The following EME1 variants were observed in gnomAD, a reference collection of about 807,000 sequenced individuals.
EME1 encodes structure-specific endonuclease subunit EME1.
In EME1, 61 loss-of-function variants were observed where a neutral mutation model predicts 59.1. The observed-to-expected ratio is 1.03, with a 90% CI of 0.84 to 1.28. The LOEUF is 1.28. Ranked by LOEUF, EME1 falls within the 50% of genes most tolerant of loss-of-function variation. EME1 has a pLI of 0.00. For synonymous variants in EME1, 230 were observed against 254.2 expected, an observed-to-expected ratio of 0.90 and a Z score of 0.90; for missense variants, 635 against 682.6, an observed-to-expected ratio of 0.93 and a Z score of 0.78.
At chr17:50,377,497 T>C (rs970744079) in intron 3 of EME1, among the ~76,000 whole-genome samples, 10 of 152,226 alleles carry the variant, frequency 6.6e-5, no homozygotes, top group African/African-American at 2.2e-4. Context: ...TGGAGGATTG[T>C]TGGCCTTGAG....
At chr17:50,380,057 T>C (rs938096774) in intron 7 of EME1, 2 of 425,340 alleles carry the variant, frequency 4.7e-6, no homozygotes, top group Admixed American at 3.9e-5. Flanking sequence ...AGATTGCAGA[T>C]TGCCAGATAT....
Position 50,378,652 on chromosome 17 carries a change from T to A in EME1, c.961T>A (p.Phe321Ile), listed in dbSNP as rs1442461973. The change falls in exon 4 of 9, where the codon TTT becomes ATT. Residue 321 changes from phenylalanine to isoleucine, a missense_variant. Phe to Ile is a conservative substitution (Grantham distance 21). Coordinates refer to ENST00000338165, the MANE Select transcript of EME1 (RefSeq NM_152463.4). ...ACTGGTGTTGCTCCGGGCAGAGGCA[T>A]TTGTGTCCATGATCGACAATGGAAA... ...TVLVLLRAEA[F>I]VSMIDNGKQG... 6.2e-7 allele frequency: 1 copy of A among 1,614,048 alleles called. No individual in the cohort carries two copies. The highest frequency in any genetic ancestry group is 1.1e-5 in the South Asian group (1 of 91,082).
Position 50,375,422 on chromosome 17 carries a change from GA to G in EME1, c.217del (p.Thr73LeufsTer11), listed in dbSNP as rs755863877. ...LFSPPVPEIA[E>X]TVTQTQPVRL... The stretch of plus-strand genomic sequence containing the variant: ...TTCACCACCTGTCCCAGAAATAGCT[GA>G]AACTGTCACACAAACACAGCCAGTC... On this transcript the variant is annotated frameshift_variant, in exon 2 of 9. Coordinates refer to ENST00000338165, the MANE Select transcript of EME1 (RefSeq NM_152463.4). LOFTEE classifies it high-confidence loss of function. 8.7e-6 allele frequency: 14 copies of G among 1,614,082 alleles called. No individual in the cohort carries two copies. The highest frequency in any genetic ancestry group is 1.3e-5 in the African/African-American group (1 of 74,926).
At chr17:50,376,839 C>T (rs544605256) in intron 3 of EME1, among the ~76,000 whole-genome samples, 88 of 152,302 alleles carry the variant, frequency 5.8e-4, no homozygotes, top group African/African-American at 1.9e-3. Flanking sequence ...GTCCTCTCCT[C>T]GGGTCCCTGC....
Position 50,380,476 on chromosome 17 carries a change from A to G in EME1, c.1511A>G (p.Tyr504Cys), listed in dbSNP as rs779028859. The change falls in exon 8 of 9, where the codon TAT becomes TGT. Residue 504 changes from tyrosine (Y) to cysteine (C), a missense_variant. Tyr to Cys is a radical substitution (Grantham distance 194). Transcript: ENST00000338165. ...ATGGCCAGTGCAGTTGTGAATGCCT[A>G]TCCCTCCCCACAGCTCCTGGTACAG... ...LEMASAVVNA[Y>C]PSPQLLVQAY... 17 of 1,613,770 alleles carry G rather than the reference A, an allele frequency of 1.1e-5. No homozygotes were observed. Among genetic ancestry groups the G allele is most frequent in the Non-Finnish European group, 1.2e-5 (14 of 1,180,014 alleles).
intron 3 of EME1, 38 bp downstream of exon 3, chr17:50,376,231 C>T (rs1167573450): frequency 6.2e-7 from 1 of 1,602,372 alleles, no homozygotes; most frequent in Non-Finnish European, 8.5e-7. Context: ...CCCTCTCCTC[C>T]CCTTACAATT....
chr17:50,376,123 G>C lies in EME1; in HGVS notation c.833G>C (p.Cys278Ser), dbSNP rs1271732716. 6.2e-7 allele frequency: 1 copy of C among 1,614,132 alleles called. No homozygotes were observed. Among genetic ancestry groups the C allele is most frequent in the Non-Finnish European group, 8.5e-7 (1 of 1,180,032 alleles). ...CTAGGAGCACTGCAGACCATGGAGT[G>C]CCGCTGTGTGATTGAGGCGCAGGCT... is the stretch of plus-strand genomic sequence containing the variant. ...QLLGALQTMECRCVIEAQAVP... is the reference protein window; with the variant it reads ...QLLGALQTMESRCVIEAQAVP... Residue 278 changes from cysteine to serine, a missense_variant, in exon 3 of 9, where the codon TGC (cysteine) becomes TCC (serine). Coordinates refer to ENST00000338165, the MANE Select transcript of EME1 (RefSeq NM_152463.4).
In EME1 at chr17:50,375,775, T is replaced by A. The variant is rs150118812; in HGVS notation, c.567T>A (p.Asn189Lys). ...GCAGCTTGGCAGTAACCAAAACAAA[T>A]TCTGACATCCTTCCACCCCAGAAGA... Reference protein sequence around the residue: ...QSSSLAVTKTNSDILPPQKKT... With the variant: ...QSSSLAVTKTKSDILPPQKKT... Residue 189 changes from asparagine (N) to lysine (K), a missense_variant, in exon 2 of 9, where the codon AAT becomes AAA. By Grantham distance (94) the Asn-to-Lys change is moderately conservative. Transcript: ENST00000338165. 2,557 of 1,614,072 alleles carry A rather than the reference T, an allele frequency of 1.6e-3. 24 individuals carry two copies. The highest frequency in any genetic ancestry group is 0.012 in the South Asian group (1,096 of 91,076).
chr17:50,379,147 A>T lies in EME1; in HGVS notation c.1153A>T (p.Lys385Ter). ...AAGAAGAGGGAAACAGGGAGCAAAT[A>T]AACAGACCAAGAAGCAGCAGCAGAG... ...PPRRGKQGANKQTKKQQQRQP... is the reference protein window; with the variant it reads ...PPRRGKQGAN The change falls in exon 6 of 9, where the codon AAA becomes TAA. Residue 385 changes from lysine (K) to a stop codon, truncating the protein, a stop_gained. Transcript: ENST00000338165. LOFTEE classifies it high-confidence loss of function. 1 of 1,614,176 alleles carries T rather than the reference A, an allele frequency of 6.2e-7. No individual in the cohort carries two copies. Among genetic ancestry groups the T allele is most frequent in the Non-Finnish European group, 8.5e-7 (1 of 1,180,034 alleles).
Position 50,378,594 on chromosome 17 carries a change from G to C in EME1, c.904-1G>C, listed in dbSNP as rs1913598622. On this transcript the variant is annotated splice_acceptor_variant, in intron 3 of 8. Coordinates refer to ENST00000338165, the MANE Select transcript of EME1 (RefSeq NM_152463.4). LOFTEE classifies it high-confidence loss of function. ...GTGCTGTGTTCTGGGTACTTTGGCA[G>C]GACAGAGAGGACTGGGTGGAGGAGC... 1 of 1,613,332 alleles carries C rather than the reference G, an allele frequency of 6.2e-7. No homozygotes were observed. Among genetic ancestry groups the C allele is most frequent in the South Asian group, 1.1e-5 (1 of 91,022 alleles).
chr17:50,379,289 T>C, intron 6 of EME1, 65 bp downstream of exon 6: 1 of 1,606,914 alleles, frequency 6.2e-7, no homozygotes, highest in Non-Finnish European at 8.5e-7. Context: ...TTGCTATTGA[T>C]AGAGAATAAA....
Position 50,378,791 on chromosome 17 carries a change from T to TTC in EME1, c.1008_1009insTC (p.Met337SerfsTer2). 1 of 1,614,170 alleles carries TTC rather than the reference T, an allele frequency of 6.2e-7. No individual in the cohort carries two copies. Among genetic ancestry groups the TTC allele is most frequent in the Non-Finnish European group, 8.5e-7 (1 of 1,180,038 alleles). ...TCATGCAGGGAAGCCTGGACAGCAC[T>TTC]ATGAAAGGGAAGGAAACGCTTCAGG... is the stretch of plus-strand genomic sequence containing the variant. On this transcript the variant is annotated frameshift_variant, in exon 5 of 9. Coordinates refer to ENST00000338165, the MANE Select transcript of EME1 (RefSeq NM_152463.4). LOFTEE classifies it high-confidence loss of function.
intron 7 of EME1, 125 bp downstream of exon 7, chr17:50,379,692 C>A: frequency 1.2e-6 from 1 of 801,120 alleles, no homozygotes; most frequent in Non-Finnish European, 2.0e-6. Flanking sequence ...AAGCTTGAGG[C>A]AGAAGGAGCT....
At position 50,380,514 on chromosome 17, in the gene EME1, AGGGCTCAGGGGTCACTGCCCATTGCCTGC is replaced by A; in HGVS notation, c.1536+22_1536+50del. The A allele has an allele frequency of 6.2e-7, 1 of 1,612,104 alleles. No homozygotes were observed. The highest frequency in any genetic ancestry group is 1.1e-5 in the South Asian group (1 of 90,978). On this transcript the variant is annotated intron_variant, in intron 8 of 8. Coordinates refer to ENST00000338165, the MANE Select transcript of EME1 (RefSeq NM_152463.4). ...GCTCCTGGTACAGGTATGCTGCTCC[AGGGCTCAGGGGTCACTGCCCATTGCCTGC>A]GGGCTCAGTGGGCCCCCAGATTTCC...
intron 1 of EME1, among the ~76,000 whole-genome samples, chr17:50,374,333 G>T (rs559131419): frequency 2.6e-5 from 4 of 152,228 alleles, no homozygotes; most frequent in Admixed American, 6.5e-5. Flanking sequence ...GACCTCCCAG[G>T]CTCAAGCAAT....
At chr17:50,373,532 C>T (rs1331603139) in intron 1 of EME1, among the ~76,000 whole-genome samples, 2 of 152,202 alleles carry the variant, frequency 1.3e-5, no homozygotes, top group Non-Finnish European at 2.9e-5. Flanking sequence ...CAGCTGTGTG[C>T]CAGATGCTGT....
chr17:50,378,872 T>A lies in EME1; in HGVS notation c.1089T>A (p.Ile363=), dbSNP rs1172105604. 1 of 1,614,174 alleles carries A rather than the reference T, an allele frequency of 6.2e-7. No homozygotes were observed. The highest frequency in any genetic ancestry group is 1.7e-5 in the Admixed American group (1 of 60,018). Residue 363 remains isoleucine, a synonymous_variant, in exon 5 of 9, where the codon ATT becomes ATA. Transcript: ENST00000338165. ...CAGGGAAAGCTCTGTCACTGGTGAT[T>A]GTGGATCAGGAGAAATGCTTCAGGT... ...KTAGKALSLV[I]VDQEKCFSAQ... is the part of the protein sequence containing the mutation.
Position 50,375,547 on chromosome 17 carries a change from G to C in EME1, c.339G>C (p.Glu113Asp). The C allele has an allele frequency of 6.2e-7, 1 of 1,614,162 alleles. No individual in the cohort carries two copies. The highest frequency in any genetic ancestry group is 8.5e-7 in the Non-Finnish European group (1 of 1,180,024). The change falls in exon 2 of 9, where the codon GAG becomes GAC. Residue 113 changes from glutamate (E) to aspartate (D), a missense_variant. Coordinates refer to ENST00000338165, the MANE Select transcript of EME1 (RefSeq NM_152463.4). ...KFLTHKQLSP[E>D]DSSSPVKSVL... ...TGACCCACAAGCAACTGAGCCCTGA[G>C]GACTCTAGCTCCCCAGTTAAAAGTG...
At chr17:50,380,013 G>C (rs72832480) in intron 7 of EME1, 6,190 of 361,512 alleles carry the variant, frequency 0.017, 102 homozygotes, top group Middle Eastern at 0.042. Context: ...AGATTGACTT[G>C]TCTAAGCTCC....
Sources: allele counts gnomAD v4.1 joint callset (sites outside exome capture counted in the v4.1 genomes callset), GRCh38; gene constraint gnomAD v4.1.1; transcripts MANE v1.5; gene names NCBI Gene and HGNC (gene_info 2026-07-23, HGNC 2026-07-21).